LRRTM4: variants seen among roughly 807,000 people sequenced by gnomAD.
LRRTM4 encodes leucine rich repeat transmembrane neuronal 4, also known as leucine-rich repeat transmembrane neuronal protein 4.
LRRTM4 carries 25 observed loss-of-function variants against 47.6 expected under a neutral mutation model. The observed-to-expected ratio is 0.53, with a 90% CI of 0.38 to 0.73. The LOEUF (loss-of-function observed/expected upper bound fraction) is 0.73. LRRTM4 is among the 30% of genes least tolerant of loss of function. The pLI is 0.00. For synonymous variants in LRRTM4, 311 were observed against 269.5 expected (o/e 1.15, Z -1.51); for missense variants, 638 against 713.4 (o/e 0.89, Z 1.20).
chr2:77,155,305 G>A (rs1050535755), intron 3 of LRRTM4, among the ~76,000 whole-genome samples: 1 of 151,482 alleles, frequency 6.6e-6, no homozygotes, highest in East Asian at 1.9e-4. Context: ...TAAGCCAAAG[G>A]TAAAGTAAGA....
rs574815415 is a variant in LRRTM4, at chr2:77,119,652, G to T, written c.1552-370736C>A. Among the ~76,000 whole-genome samples the T allele has an allele frequency of 1.4e-4, 22 of 151,854 alleles. No individual in the cohort carries two copies. In the South Asian group the frequency reaches 4.6e-3, roughly 31 times the overall value. ...TTACTTCCTATAAACAAATTCAAAT[G>T]ATAACAAAATCATTTAGAGAATCGT... On this transcript the variant is annotated intron_variant, in intron 3 of 3. Coordinates refer to ENST00000409884, the MANE Select transcript of LRRTM4 (RefSeq NM_001134745.3).
At chr2:76,943,017 T>C (rs746612439) in intron 3 of LRRTM4, among the ~76,000 whole-genome samples, 1 of 152,166 alleles carries the variant, frequency 6.6e-6, no homozygotes. Context: ...CAACATGATT[T>C]TGAGAATCAT....
intron 3 of LRRTM4, among the ~76,000 whole-genome samples, chr2:77,371,098 A>G (rs1169437077): frequency 6.6e-6 from 1 of 151,802 alleles, no homozygotes; most frequent in Non-Finnish European, 1.5e-5. Context: ...TTATTCATCC[A>G]TTATTTCAAT....
At chr2:76,793,237 T>G (rs1675074599) in intron 3 of LRRTM4, among the ~76,000 whole-genome samples, 1 of 152,310 alleles carries the variant, frequency 6.6e-6, no homozygotes, top group South Asian at 2.1e-4. Flanking sequence ...GTCAATATTG[T>G]TCATTGTTCC....
At chr2:77,325,969 G>A (rs1462035861) in intron 3 of LRRTM4, among the ~76,000 whole-genome samples, 1 of 152,158 alleles carries the variant, frequency 6.6e-6, no homozygotes, top group Non-Finnish European at 1.5e-5. Flanking sequence ...TGTGAGGCAG[G>A]TCACAAAACC....
chr2:77,223,760 A>G (rs1240488256), intron 3 of LRRTM4, among the ~76,000 whole-genome samples: 3 of 152,208 alleles, frequency 2.0e-5, no homozygotes, highest in Non-Finnish European at 2.9e-5. Context: ...GGAAGAATCA[A>G]TATCGTGAAA....
At chr2:77,175,446 G>T (rs995452582) in intron 3 of LRRTM4, among the ~76,000 whole-genome samples, 2 of 152,042 alleles carry the variant, frequency 1.3e-5, no homozygotes, top group Non-Finnish European at 2.9e-5. Context: ...TCCAGGGCTC[G>T]TGGCTCTGGA....
In LRRTM4 at chr2:77,518,461, C is replaced by G; in HGVS notation, c.1408G>C (p.Ala470Pro). 1.2e-6 allele frequency: 2 copies of G among 1,613,332 alleles called. No homozygotes were observed. The highest frequency in any genetic ancestry group is 2.2e-5 in the South Asian group (2 of 91,068). ...TTCATTTGTCTTTCAGACTCTCTGG[C>G]CTTTTTCCGCCGCCTCTTCATAAGA... Reference protein sequence around the residue: ...HSLMKRRRKKARESERQMNSP... With the variant: ...HSLMKRRRKKPRESERQMNSP... Residue 470 changes from alanine to proline, a missense_variant, in exon 3 of 4, where the codon GCC (alanine) becomes CCC (proline). By Grantham distance (27) the Ala-to-Pro change is conservative (BLOSUM62 -1). Transcript: ENST00000409884.
At chr2:77,510,854 A>G (rs1263955049) in intron 3 of LRRTM4, among the ~76,000 whole-genome samples, 1 of 152,062 alleles carries the variant, frequency 6.6e-6, no homozygotes, top group Non-Finnish European at 1.5e-5. Flanking sequence ...AAGTGTCATA[A>G]GTTTTGACAT....
intron 3 of LRRTM4, among the ~76,000 whole-genome samples, chr2:76,938,026 CT>C (rs1271511046): frequency 6.6e-6 from 1 of 151,994 alleles, no homozygotes; most frequent in African/African-American, 2.4e-5. Context: ...AAATACCCTC[CT>C]TTTTTCCTTC....
intron 3 of LRRTM4, among the ~76,000 whole-genome samples, chr2:77,482,893 C>T (rs983545257): frequency 6.6e-6 from 1 of 151,872 alleles, no homozygotes; most frequent in Non-Finnish European, 1.5e-5. Flanking sequence ...GAGGCTGAGG[C>T]AGGCAGATCA....
At chr2:77,250,696 T>G (rs1342871207) in intron 3 of LRRTM4, among the ~76,000 whole-genome samples, 3 of 152,086 alleles carry the variant, frequency 2.0e-5, no homozygotes, top group African/African-American at 7.2e-5. Flanking sequence ...AGCACATGGG[T>G]TTGATTTCTC....
At position 76,950,126 on chromosome 2, in the gene LRRTM4, G is replaced by C. The variant is rs1328446489; in HGVS notation, c.1552-201210C>G. Among the ~76,000 whole-genome samples, 3 of 152,052 alleles carry C rather than the reference G, an allele frequency of 2.0e-5. 1 individual carries two copies. In the South Asian group the frequency reaches 6.2e-4, roughly 31 times the overall value. ...GTAATGGTGACACATAGGAAAAATAGTTAAGCAAGCCCTCCCAAACACTTC... is the reference window on the plus strand; with the variant it reads ...GTAATGGTGACACATAGGAAAAATACTTAAGCAAGCCCTCCCAAACACTTC... On this transcript the variant is annotated intron_variant, in intron 3 of 3. Coordinates refer to ENST00000409884, the MANE Select transcript of LRRTM4 (RefSeq NM_001134745.3).
At chr2:77,391,252 G>T (rs1037543413) in intron 3 of LRRTM4, among the ~76,000 whole-genome samples, 10 of 151,882 alleles carry the variant, frequency 6.6e-5, no homozygotes, top group Non-Finnish European at 1.2e-4. Context: ...ATGTGTATGT[G>T]CTTCTATTTG....
intron 3 of LRRTM4, among the ~76,000 whole-genome samples, chr2:77,321,550 G>A (rs1209893300): frequency 5.6e-5 from 5 of 89,352 alleles, no homozygotes; most frequent in African/African-American, 4.0e-4. Context: ...GCTAAATCGG[G>A]GAGGGGGGGG....
rs57126442 is a variant in LRRTM4 at position 76,818,369 on chromosome 2, G to C, written c.1552-69453C>G. ...TTTCTGTTCAATAGAGCTGCAAGCA[G>C]AAAAAAAATAATAAAGTGCATGAAA... On this transcript the variant is annotated intron_variant, in intron 3 of 3. Transcript: ENST00000409884. Among the ~76,000 whole-genome samples, 49 of 151,434 alleles carry C rather than the reference G, an allele frequency of 3.2e-4. No individual in the cohort carries two copies. The East Asian group carries it at 9.0e-3, about 28-fold the overall frequency.
chr2:77,477,941 AAGAAAGAAAG>A (rs1677496086), intron 3 of LRRTM4, among the ~76,000 whole-genome samples: 1 of 148,236 alleles, frequency 6.7e-6, no homozygotes, highest in South Asian at 2.2e-4. Flanking sequence ...GAAAGAAAGA[AAGAAAGAAAG>A]AAAGAAAGAA....
At chr2:76,979,658 G>T (rs946207899) in intron 3 of LRRTM4, among the ~76,000 whole-genome samples, 11 of 147,144 alleles carry the variant, frequency 7.5e-5, no homozygotes, top group African/African-American at 2.8e-4. Flanking sequence ...GCAAGAGCTT[G>T]GTTGTGTTTG....
In LRRTM4 at chr2:77,407,122, CT is replaced by C. The variant is rs531404965; in HGVS notation, c.1551+111195del. Among the ~76,000 whole-genome samples the C allele has an allele frequency of 1.5e-4, 23 of 152,186 alleles. No individual in the cohort carries two copies. In the South Asian group the frequency reaches 4.6e-3, roughly 30 times the overall value. On this transcript the variant is annotated intron_variant, in intron 3 of 3. Transcript: ENST00000409884. ...TAGAAGTAAATCCTTTCAAGGAAAC[CT>C]TACAAAGAATTGGTATCTGCCCATT...
Sources: allele counts gnomAD v4.1 joint callset (sites outside exome capture counted in the v4.1 genomes callset), GRCh38; gene constraint gnomAD v4.1.1; transcripts MANE v1.5; gene names NCBI Gene and HGNC (gene_info 2026-07-23, HGNC 2026-07-21).